PCDHGB7: variants seen among roughly 807,000 people sequenced by gnomAD.
PCDHGB7 encodes the protein protocadherin gamma subfamily B, 7.
In PCDHGB7, 37 loss-of-function variants were observed where a neutral mutation model predicts 61.4. The ratio of observed to expected loss-of-function variants is 0.60; its 90% CI spans 0.46 to 0.79. The LOEUF is 0.79. Among genes scored for constraint, PCDHGB7 ranks in the 30% least tolerant of loss-of-function variants. The pLI, the probability that PCDHGB7 is intolerant of heterozygous loss-of-function variation, is 0.00. For synonymous variants in PCDHGB7, 464 were observed against 503.5 expected, an observed-to-expected ratio of 0.92 and a Z score of 1.05; for missense variants, 1,166 against 1,202.5, an observed-to-expected ratio of 0.97 and a Z score of 0.45.
rs778198822 is a variant in PCDHGB7 at position 141,432,802 on chromosome 5, A to G, written c.2415+12528A>G. 29 of 1,613,964 alleles carry G rather than the reference A, an allele frequency of 1.8e-5. No individual in the cohort carries two copies. The African/African-American group carries it at 3.6e-4, about 20-fold the overall frequency. On this transcript the variant is annotated intron_variant, in intron 1 of 3. Coordinates refer to ENST00000398594, the MANE Select transcript of PCDHGB7 (RefSeq NM_018927.4). This position sits in a 1 kb window ranked among gnomAD's most constrained non-coding sequence, Gnocchi z 6.0. ...CGGACCTCGGCAGCCTCGAGTCTCC[A>G]GCTAACTCTGAAACCTCAGACCTCA...
chr5:141,467,084 A>T, intron 1 of PCDHGB7, among the ~76,000 whole-genome samples: 1 of 142,674 alleles, frequency 7.0e-6, no homozygotes, highest in African/African-American at 2.6e-5. Context: ...ACCAAGTCTC[A>T]CTCTGTCACA....
rs1193465269 is a variant in PCDHGB7 at position 141,467,055 on chromosome 5, C to CT, written c.2416-27736dup. Among the ~76,000 whole-genome samples, 814 of 134,448 alleles carry CT rather than the reference C, an allele frequency of 6.1e-3. 10 individuals carry two copies. Among genetic ancestry groups the CT allele is most frequent in the African/African-American group, 0.018 (656 of 36,920 alleles). The allele number at this position is 134,448 out of a possible 152,430, so 88.2% of individuals were successfully genotyped here. A position where few individuals can be genotyped will look rare whatever the true frequency, so the allele number is the denominator to read the frequency against. Reference sequence around the variant, plus strand: ...TTTTTGTGTAATGAATCAATGTTTTCTTTTTTTTTTTTTTTTAGACCAAGT... The same window carrying CT: ...TTTTTGTGTAATGAATCAATGTTTTCTTTTTTTTTTTTTTTTTAGACCAAGT... On this transcript the variant is annotated intron_variant, in intron 1 of 3. Coordinates refer to ENST00000398594, the MANE Select transcript of PCDHGB7 (RefSeq NM_018927.4).
intron 1 of PCDHGB7, chr5:141,478,583 C>CT (rs754743497): frequency 5.7e-6 from 9 of 1,578,146 alleles, no homozygotes; most frequent in South Asian, 1.1e-5. Flanking sequence ...CCTGTTAGTG[C>CT]TTTTTTATTC....
At chr5:141,494,680 C>A in intron 1 of PCDHGB7, 127 bp from the exon 2 acceptor site, 1 of 1,560,094 alleles carries the variant, frequency 6.4e-7, no homozygotes, top group Non-Finnish European at 8.7e-7. Flanking sequence ...CCACCCCTGC[C>A]CCCTCTTAGT....
intron 2 of PCDHGB7, among the ~76,000 whole-genome samples, chr5:141,496,230 C>T (rs1336418553): frequency 2.6e-5 from 4 of 152,160 alleles, no homozygotes; most frequent in Admixed American, 2.0e-4. Flanking sequence ...AGACAGGAAC[C>T]CCCTGCGGGC....
In PCDHGB7 at chr5:141,431,940, T is replaced by G; in HGVS notation, c.2415+11666T>G. ...ATCCAAGGAAATCTGCCCTTTAAAT[T>G]AGAAAAATCTTACGGAAATTACTAT... On this transcript the variant is annotated intron_variant, in intron 1 of 3. Coordinates refer to ENST00000398594, the MANE Select transcript of PCDHGB7 (RefSeq NM_018927.4). The surrounding 1 kb of genome is among the most constrained non-coding windows in gnomAD (Gnocchi z 4.8). 2 of 1,614,132 alleles carry G rather than the reference T, an allele frequency of 1.2e-6. No homozygotes were observed. Among genetic ancestry groups the G allele is most frequent in the Non-Finnish European group, 1.7e-6 (2 of 1,179,998 alleles).
chr5:141,478,660 T>C, intron 1 of PCDHGB7: 2 of 1,551,848 alleles, frequency 1.3e-6, no homozygotes, highest in Non-Finnish European at 1.7e-6. Flanking sequence ...TGGTGATGCA[T>C]TCACACTTTC....
chr5:141,439,618 C>T (rs964445098), intron 1 of PCDHGB7, among the ~76,000 whole-genome samples: 2 of 152,178 alleles, frequency 1.3e-5, no homozygotes, highest in East Asian at 3.8e-4. Context: ...GATAAATGAG[C>T]CAATCCCCAG....
intron 2 of PCDHGB7, among the ~76,000 whole-genome samples, chr5:141,498,889 C>T (rs1415870992): frequency 3.4e-5 from 5 of 146,174 alleles, no homozygotes; most frequent in African/African-American, 1.3e-4. Flanking sequence ...GCTGAGATCA[C>T]ACCACTGCAC....
intron 2 of PCDHGB7, among the ~76,000 whole-genome samples, chr5:141,502,989 G>A (rs140974023): frequency 0.024 from 3,652 of 150,590 alleles, 56 homozygotes; most frequent in East Asian, 0.043. Context: ...GATTACAGGC[G>A]TGTGCCACCA....
At chr5:141,478,862 C>T (rs1057119202) in intron 1 of PCDHGB7, 23 of 1,325,916 alleles carry the variant, frequency 1.7e-5, no homozygotes, top group Non-Finnish European at 2.2e-5. Flanking sequence ...AAGATCTCAG[C>T]GATCAGAGTT....
chr5:141,508,091 GCCC>G (rs2099866180), intron 3 of PCDHGB7: 1 of 152,482 alleles, frequency 6.6e-6, no homozygotes, highest in Non-Finnish European at 1.5e-5. Flanking sequence ...TGCTGCCTTG[GCCC>G]TGGGATGGGG....
chr5:141,468,222 G>A lies in PCDHGB7; in HGVS notation c.2416-26585G>A, dbSNP rs560663102. 2.6e-3 allele frequency among the ~76,000 whole-genome samples: 401 copies of A among 151,572 alleles called. 2 individuals are homozygous for A. Among genetic ancestry groups the A allele is most frequent in the South Asian group, 0.02 (97 of 4,782 alleles). ...TGCCTGTAATTCCAGCTACTTGGGA[G>A]GATGAGGTAGGAGAATTGCCTGAAC... On this transcript the variant is annotated intron_variant, in intron 1 of 3. Coordinates refer to ENST00000398594, the MANE Select transcript of PCDHGB7 (RefSeq NM_018927.4).
chr5:141,432,014 A>G lies in PCDHGB7; in HGVS notation c.2415+11740A>G, dbSNP rs778393699. The G allele has an allele frequency of 1.5e-5, 25 of 1,614,078 alleles. No individual in the cohort carries two copies. The highest frequency in any genetic ancestry group is 2.0e-5 in the Non-Finnish European group (24 of 1,180,036). ...GGATAGGGAACAGGTTCCTAGCTAC[A>G]ACATCACAGTGACCGCCACTGACCG... On this transcript the variant is annotated intron_variant, in intron 1 of 3. Coordinates refer to ENST00000398594, the MANE Select transcript of PCDHGB7 (RefSeq NM_018927.4). This position sits in a 1 kb window ranked among gnomAD's most constrained non-coding sequence, Gnocchi z 6.0.
At chr5:141,478,603 A>C (rs116528962) in intron 1 of PCDHGB7, 173 of 1,563,096 alleles carry the variant, frequency 1.1e-4, no homozygotes, top group Non-Finnish European at 1.4e-4. Context: ...CCTACATCAT[A>C]TTGAGGAAGG....
intron 1 of PCDHGB7, among the ~76,000 whole-genome samples, chr5:141,455,028 G>A (rs2098810519): frequency 6.6e-6 from 1 of 150,780 alleles, no homozygotes; most frequent in Non-Finnish European, 1.5e-5. Flanking sequence ...TAGCCAGGAT[G>A]GTCTCGATCT....
intron 2 of PCDHGB7, among the ~76,000 whole-genome samples, chr5:141,498,421 A>C (rs1328848787): frequency 6.6e-6 from 1 of 152,016 alleles, no homozygotes; most frequent in Non-Finnish European, 1.5e-5. Flanking sequence ...CTGGCACTGG[A>C]GTGAGGGGAT....
chr5:141,465,688 G>C (rs1386213425), intron 1 of PCDHGB7, among the ~76,000 whole-genome samples: 1 of 152,086 alleles, frequency 6.6e-6, no homozygotes, highest in African/African-American at 2.4e-5. Context: ...TGACCAGTCT[G>C]CTTTTGCATT....
Position 141,485,730 on chromosome 5 carries a change from G to A in PCDHGB7, c.2416-9077G>A. On this transcript the variant is annotated intron_variant, in intron 1 of 3. Coordinates refer to ENST00000398594, the MANE Select transcript of PCDHGB7 (RefSeq NM_018927.4). This position sits in a 1 kb window ranked among gnomAD's most constrained non-coding sequence, Gnocchi z 5.7. ...TTTGCACTGGATGTGAAGAAGCGCA[G>A]CGACGGCAGCCTGGTCCCAGAGCTG... is the stretch of plus-strand genomic sequence containing the variant. 1 of 1,614,200 alleles carries A rather than the reference G, an allele frequency of 6.2e-7. No individual in the cohort carries two copies. Among genetic ancestry groups the A allele is most frequent in the Non-Finnish European group, 8.5e-7 (1 of 1,180,024 alleles).
Sources: allele counts gnomAD v4.1 joint callset (sites outside exome capture counted in the v4.1 genomes callset), GRCh38; gene constraint gnomAD v4.1.1; non-coding constraint Gnocchi (gnomAD v3.1); transcripts MANE v1.5; gene names NCBI Gene and HGNC (gene_info 2026-07-23, HGNC 2026-07-21).